Variants in ARPP21 observed in about 807,000 individuals in gnomAD.
ARPP21 encodes cAMP regulated phosphoprotein 21.
Under a neutral mutation model 113.2 loss-of-function variants are expected in ARPP21, and 69 were observed. That is an observed-to-expected ratio of 0.61 (90% CI 0.50 to 0.74). The LOEUF (loss-of-function observed/expected upper bound fraction) is 0.74. Among genes scored for constraint, ARPP21 ranks in the 30% least tolerant of loss-of-function variants. ARPP21 has a pLI of 0.00. For synonymous variants in ARPP21, 368 were observed against 375.5 expected (o/e 0.98, Z 0.23); for missense variants, 1,070 against 1,037.4 (o/e 1.03, Z -0.43).
At chr3:35,655,496 T>C (rs934849351) in intron 1 of ARPP21, among the ~76,000 whole-genome samples, 8 of 151,926 alleles carry the variant, frequency 5.3e-5, no homozygotes, top group Non-Finnish European at 4.4e-5. Flanking sequence ...AATGGCAAGA[T>C]AGTAATAGAG....
intron 4 of ARPP21, among the ~76,000 whole-genome samples, chr3:35,683,203 T>C (rs559856229): frequency 6.6e-6 from 1 of 151,894 alleles, no homozygotes; most frequent in African/African-American, 2.4e-5. Flanking sequence ...TGTTCACACT[T>C]AGAGATTTGA....
intron 18 of ARPP21, 123 bp downstream of exon 18, chr3:35,739,700 C>T: frequency 1.6e-6 from 2 of 1,279,594 alleles, no homozygotes; most frequent in South Asian, 3.3e-5. Context: ...TATTAATATT[C>T]CTCACCAACA....
chr3:35,694,323 G>A (rs1575914943), intron 9 of ARPP21, among the ~76,000 whole-genome samples: 1 of 151,538 alleles, frequency 6.6e-6, no homozygotes, highest in Middle Eastern at 3.4e-3. Context: ...CTTTTATGAT[G>A]AAAACAACTT....
intron 1 of ARPP21, among the ~76,000 whole-genome samples, chr3:35,645,645 A>G (rs1699919088): frequency 6.6e-6 from 1 of 152,006 alleles, no homozygotes; most frequent in Admixed American, 6.6e-5. Context: ...ACTAGTTCCA[A>G]ATTCAGTGCT....
At chr3:35,753,717 G>C (rs1206757902) in intron 19 of ARPP21, among the ~76,000 whole-genome samples, 1 of 151,878 alleles carries the variant, frequency 6.6e-6, no homozygotes, top group Non-Finnish European at 1.5e-5. Context: ...AACGTGTTTA[G>C]TTTTTTTGTT....
chr3:35,764,393 T>C (rs866416107), intron 19 of ARPP21, among the ~76,000 whole-genome samples: 7 of 152,324 alleles, frequency 4.6e-5, no homozygotes, highest in African/African-American at 1.7e-4. Flanking sequence ...TTAAAAGTTG[T>C]CAACTACATA....
intron 19 of ARPP21, among the ~76,000 whole-genome samples, chr3:35,768,180 G>A (rs1374984537): frequency 6.7e-6 from 1 of 149,766 alleles, no homozygotes; most frequent in Non-Finnish European, 1.5e-5. Flanking sequence ...GGCTTGAGAT[G>A]AGGATTCAGA....
At position 35,697,563 on chromosome 3, in the gene ARPP21, T is replaced by A. The variant is rs138719038; in HGVS notation, c.686+6558T>A. ...GATAGAGCAATGGAAACCAATTGATTTTATTAAGAACCCCTGAAGTGATGG... is the reference window on the plus strand; with the variant it reads ...GATAGAGCAATGGAAACCAATTGATATTATTAAGAACCCCTGAAGTGATGG... On this transcript the variant is annotated intron_variant, in intron 9 of 20. Coordinates refer to ENST00000684406, the MANE Select transcript of ARPP21 (RefSeq NM_001385562.1). Among the ~76,000 whole-genome samples, 15 of 151,654 alleles carry A rather than the reference T, an allele frequency of 9.9e-5. No individual in the cohort carries two copies. In the East Asian group the frequency reaches 2.9e-3, roughly 30 times the overall value.
At chr3:35,698,671 G>A (rs978380285) in intron 9 of ARPP21, among the ~76,000 whole-genome samples, 1 of 151,460 alleles carries the variant, frequency 6.6e-6, no homozygotes, top group East Asian at 1.9e-4. Flanking sequence ...TAGAGAAAGA[G>A]GAATTAACAT....
chr3:35,673,021 C>A (rs1458024132), intron 1 of ARPP21, among the ~76,000 whole-genome samples: 1 of 151,986 alleles, frequency 6.6e-6, no homozygotes, highest in East Asian at 1.9e-4. Context: ...GTAGAAAACT[C>A]AGTCAAAAAA....
intron 14 of ARPP21, among the ~76,000 whole-genome samples, chr3:35,728,586 A>G (rs2093717521): frequency 6.6e-6 from 1 of 151,256 alleles, no homozygotes; most frequent in Admixed American, 6.6e-5. Flanking sequence ...AAATAATAAC[A>G]TTCAATGGTT....
Position 35,683,769 on chromosome 3 carries a change from G to C in ARPP21, c.215G>C (p.Cys72Ser). 6.4e-7 allele frequency: 1 copy of C among 1,551,396 alleles called. No homozygotes were observed. The highest frequency in any genetic ancestry group is 8.9e-7 in the Non-Finnish European group (1 of 1,124,746). Residue 72 changes from cysteine to serine, a missense_variant, in exon 5 of 21, where the codon TGT becomes TCT. By Grantham distance (112) the Cys-to-Ser change is moderately radical (BLOSUM62 -1). Transcript: ENST00000684406. ...KGKLTRSLAVCEESSARPGGE... is the reference protein window; with the variant it reads ...KGKLTRSLAVSEESSARPGGE... ...AAACTGACTCGCAGCCTTGCTGTCT[G>C]TGAGGAATCTTCTGCCAGACCAGGA...
intron 1 of ARPP21, among the ~76,000 whole-genome samples, chr3:35,668,008 GAAGA>G (rs2075223294): frequency 1.3e-5 from 2 of 150,392 alleles, no homozygotes; most frequent in Non-Finnish European, 3.0e-5. Flanking sequence ...AGAAGAAGAA[GAAGA>G]AGAAGAAGAA....
chr3:35,650,946 G>C (rs1702138887), intron 1 of ARPP21, among the ~76,000 whole-genome samples: 1 of 151,932 alleles, frequency 6.6e-6, no homozygotes, highest in Non-Finnish European at 1.5e-5. Flanking sequence ...TTAAAAATTA[G>C]GTTTATCAAA....
Position 35,673,377 on chromosome 3 carries a change from AG to A in ARPP21, c.-212-6409del, listed in dbSNP as rs574499462. On this transcript the variant is annotated intron_variant, in intron 1 of 20. Coordinates refer to ENST00000684406, the MANE Select transcript of ARPP21 (RefSeq NM_001385562.1). Reference sequence around the variant, plus strand: ...CTTTCATTCTTTTGCGCCCCTAGAAAGAAAATCCTTTCATTCGTTTTGCTGT... The same window carrying A: ...CTTTCATTCTTTTGCGCCCCTAGAAAAAAATCCTTTCATTCGTTTTGCTGT... Among the ~76,000 whole-genome samples the A allele has an allele frequency of 1.3e-3, 197 of 152,094 alleles. 1 individual carries two copies. Among genetic ancestry groups the A allele is most frequent in the Admixed American group, 4.0e-3 (61 of 15,254 alleles).
chr3:35,647,806 G>A (rs993984008), intron 1 of ARPP21, among the ~76,000 whole-genome samples: 1 of 152,104 alleles, frequency 6.6e-6, no homozygotes, highest in African/African-American at 2.4e-5. Context: ...TCAACAACTT[G>A]CTAGTTGTGT....
intron 1 of ARPP21, among the ~76,000 whole-genome samples, chr3:35,668,741 T>C (rs536248679): frequency 6.6e-5 from 10 of 152,312 alleles, no homozygotes; most frequent in African/African-American, 2.4e-4. Context: ...GTAAATATGC[T>C]TAGACTTCTT....
At chr3:35,748,110 G>GA (rs371869205) in intron 19 of ARPP21, among the ~76,000 whole-genome samples, 11,469 of 94,288 alleles carry the variant, frequency 0.12, 816 homozygotes, top group African/African-American at 0.17. Flanking sequence ...AAGAAAGAAA[G>GA]AAGAAAGAAA....
intron 19 of ARPP21, among the ~76,000 whole-genome samples, chr3:35,791,842 G>A (rs1055219363): frequency 6.6e-6 from 1 of 152,148 alleles, no homozygotes; most frequent in African/African-American, 2.4e-5. Context: ...AGTGGTTATC[G>A]TGAATTCCTC....
Sources: allele counts gnomAD v4.1 joint callset (sites outside exome capture counted in the v4.1 genomes callset), GRCh38; gene constraint gnomAD v4.1.1; transcripts MANE v1.5; gene names NCBI Gene and HGNC (gene_info 2026-07-23, HGNC 2026-07-21).